WHR1: variants seen among roughly 807,000 people sequenced by gnomAD.
WHR1 encodes MHC class III HLA-RP1.
the WHR1 span, chr6:31,971,515 A>T: frequency 6.2e-7 from 1 of 1,614,178 alleles, no homozygotes; most frequent in Non-Finnish European, 8.5e-7. The surrounding 1 kb of genome is among the most constrained non-coding windows in gnomAD (Gnocchi z 4.5). Flanking sequence ...TTGAGCATCC[A>T]GGGAGAAGCA....
the WHR1 span, chr6:31,971,476 A>G: frequency 6.8e-6 from 11 of 1,613,964 alleles, no homozygotes; most frequent in African/African-American, 1.5e-4. This position sits in a 1 kb window ranked among gnomAD's most constrained non-coding sequence, Gnocchi z 4.5. Context: ...ATAGTAGCGC[A>G]GGGCTCGGGC....
chr6:31,975,881 C>G, the WHR1 span, among the ~76,000 whole-genome samples: 4 of 151,790 alleles, frequency 2.6e-5, no homozygotes, highest in Non-Finnish European at 4.4e-5. Context: ...CCTCACCTCC[C>G]GGACAGGGCG....
chr6:31,975,641 A>ATTT, the WHR1 span, among the ~76,000 whole-genome samples: 1 of 124,878 alleles, frequency 8.0e-6, no homozygotes, highest in African/African-American at 3.1e-5. Flanking sequence ...TAATTCCACT[A>ATTT]TTTTTTTTTT....
chr6:31,980,696 G>A, the WHR1 span: 137 of 1,607,774 alleles, frequency 8.5e-5, 3 homozygotes, highest in African/African-American at 1.0e-3. Context: ...GCAAAGTACC[G>A]GGAACTGCTC....
At chr6:31,980,440 A>G in the WHR1 span, 53 of 1,609,528 alleles carry the variant, frequency 3.3e-5, 3 homozygotes, top group Admixed American at 8.8e-4. Flanking sequence ...CTGGCTTCCC[A>G]CTGCCCTCAG....
the WHR1 span, among the ~76,000 whole-genome samples, chr6:31,976,636 C>A: frequency 6.6e-6 from 1 of 152,070 alleles, no homozygotes; most frequent in Admixed American, 6.5e-5. Context: ...ACTTCCCAGA[C>A]GGGGTGGCGG....
the WHR1 span, chr6:31,972,629 C>G: frequency 6.2e-7 from 1 of 1,608,704 alleles, no homozygotes; most frequent in Non-Finnish European, 8.5e-7. The surrounding 1 kb of genome is among the most constrained non-coding windows in gnomAD (Gnocchi z 6.3). Context: ...AGGGTCGGCG[C>G]GCGCGGCTGT....
chr6:31,980,089 G>A, the WHR1 span: 4 of 285,370 alleles, frequency 1.4e-5, no homozygotes, highest in Non-Finnish European at 2.6e-5. Context: ...GAGCCATGGC[G>A]CAGTCTGCCT....
At chr6:31,971,259 C>A in the WHR1 span, 1 of 1,540,570 alleles carries the variant, frequency 6.5e-7, no homozygotes, top group Non-Finnish European at 8.8e-7. This position sits in a 1 kb window ranked among gnomAD's most constrained non-coding sequence, Gnocchi z 4.5. Context: ...GGCTTTGGCT[C>A]TCCTAATTTT....
chr6:31,979,617 T>C, the WHR1 span: 1 of 1,563,584 alleles, frequency 6.4e-7, no homozygotes, highest in Middle Eastern at 1.8e-4. Flanking sequence ...TCCAGTTCCA[T>C]CCAGCCTGTC....
the WHR1 span, among the ~76,000 whole-genome samples, chr6:31,975,960 T>C: frequency 7.1e-6 from 1 of 140,926 alleles, no homozygotes; most frequent in African/African-American, 2.7e-5. Context: ...GCAGAGGGGC[T>C]CCTCACTTCC....
At chr6:31,973,372 A>C in the WHR1 span, 1 of 221,746 alleles carries the variant, frequency 4.5e-6, no homozygotes, top group Non-Finnish European at 9.3e-6. Context: ...GCATCCAAAG[A>C]CAAAGGTATT....
At chr6:31,976,636 C>T in the WHR1 span, among the ~76,000 whole-genome samples, 7 of 152,070 alleles carry the variant, frequency 4.6e-5, no homozygotes, top group African/African-American at 1.2e-4. Flanking sequence ...ACTTCCCAGA[C>T]GGGGTGGCGG....
the WHR1 span, among the ~76,000 whole-genome samples, chr6:31,975,927 T>A: frequency 1.7e-5 from 2 of 120,982 alleles, no homozygotes; most frequent in Non-Finnish European, 3.5e-5. Context: ...CCCACCTCCC[T>A]CCCGGACGGG....
At chr6:31,980,352 C>T in the WHR1 span, 1 of 1,104,988 alleles carries the variant, frequency 9.0e-7, no homozygotes, top group African/African-American at 1.6e-5. Context: ...TGCATGGTTG[C>T]CCGTGTTTCT....
At chr6:31,980,607 C>T in the WHR1 span, 1 of 1,594,400 alleles carries the variant, frequency 6.3e-7, no homozygotes, top group Admixed American at 1.7e-5. Flanking sequence ...CCTCAGGCCT[C>T]TAGGCCTTAT....
chr6:31,972,161 T>A, the WHR1 span: 1 of 1,612,540 alleles, frequency 6.2e-7, no homozygotes, highest in Non-Finnish European at 8.5e-7. The surrounding 1 kb of genome is among the most constrained non-coding windows in gnomAD (Gnocchi z 6.3). Context: ...GTGCGTGCCC[T>A]TGGAGGGAGC....
chr6:31,972,571 ACCGCGT>A, the WHR1 span: 2 of 1,593,530 alleles, frequency 1.3e-6, no homozygotes, highest in South Asian at 2.2e-5. The surrounding 1 kb of genome is among the most constrained non-coding windows in gnomAD (Gnocchi z 6.3). Context: ...TTTTGTTAGA[ACCGCGT>A]CCCCGCCCCA....
At chr6:31,978,781 CT>C in the WHR1 span, 1 of 800,232 alleles carries the variant, frequency 1.2e-6, no homozygotes. Context: ...ACAGTTTTTC[CT>C]TTACTAAGAG....
Sources: gnomAD v4.1 joint callset for allele counts (sites outside exome capture counted in the v4.1 genomes callset) on GRCh38, gnomAD v4.1.1 for gene constraint, Gnocchi (gnomAD v3.1) non-coding constraint, MANE v1.5 for transcripts, NCBI Gene and HGNC (gene_info 2026-07-23, HGNC 2026-07-21) for gene names.